The following BDP1 variants were observed in gnomAD, a reference collection of about 807,000 sequenced individuals.
BDP1 encodes transcription factor TFIIIB component B'' homolog.
Under a neutral mutation model 266.6 loss-of-function variants are expected in BDP1, and 169 were observed. That is an observed-to-expected ratio of 0.63 (90% CI 0.56 to 0.72). The LOEUF is 0.72. Among genes scored for constraint, BDP1 ranks in the 30% least tolerant of loss-of-function variants. The pLI, the probability that BDP1 is intolerant of heterozygous loss-of-function variation, is 0.00. For missense variants in BDP1, 3,015 were observed against 3,053.8 expected, an observed-to-expected ratio of 0.99 and a Z score of 0.30; for synonymous variants, 1,090 against 1,022.4, an observed-to-expected ratio of 1.07 and a Z score of -1.26.
chr5:71,510,071 C>G lies in BDP1; in HGVS notation c.2979C>G (p.Ser993=). 2 of 1,609,806 alleles carry G rather than the reference C, an allele frequency of 1.2e-6. No homozygotes were observed. The highest frequency in any genetic ancestry group is 1.7e-6 in the Non-Finnish European group (2 of 1,179,242). ...NLEETGRRKI[S]PRENGPEEVK... ...AAGAAACTGGAAGAAGAAAAATATC[C>G]CCAAGGGAAAATGGCCCAGAGGAGG... Residue 993 remains serine, a synonymous_variant, in exon 17 of 39, where the codon TCC becomes TCG. Coordinates refer to ENST00000358731, the MANE Select transcript of BDP1 (RefSeq NM_018429.3).
At chr5:71,525,391 G>C (rs1765750486) in intron 25 of BDP1, among the ~76,000 whole-genome samples, 1 of 147,976 alleles carries the variant, frequency 6.8e-6, no homozygotes, top group African/African-American at 2.5e-5. Context: ...CGGGCGGGGG[G>C]CTGACCCCCC....
chr5:71,575,446 G>C, the BDP1 span, among the ~76,000 whole-genome samples: 2 of 152,132 alleles, frequency 1.3e-5, no homozygotes, highest in African/African-American at 4.8e-5. Flanking sequence ...TTGGATGCAG[G>C]ACACATAGAG....
chr5:71,500,423 C>T (rs1404500566), intron 13 of BDP1, among the ~76,000 whole-genome samples: 2 of 145,516 alleles, frequency 1.4e-5, no homozygotes, highest in African/African-American at 5.1e-5. Flanking sequence ...CTCCTGGGTT[C>T]AGGCGATTCC....
At chr5:71,562,767 T>G in intron 38 of BDP1, 1 of 1,392,270 alleles carries the variant, frequency 7.2e-7, no homozygotes, top group African/African-American at 1.4e-5. Flanking sequence ...GCCATTCCTT[T>G]AATCTAGAGA....
chr5:71,466,370 G>T, intron 5 of BDP1, 149 bp downstream of exon 5: 4 of 840,462 alleles, frequency 4.8e-6, no homozygotes, highest in South Asian at 4.1e-5. Context: ...TAGAAAAGTG[G>T]GTTAGATTAA....
intron 7 of BDP1, among the ~76,000 whole-genome samples, chr5:71,477,136 C>G (rs1481289851): frequency 6.6e-6 from 1 of 151,850 alleles, no homozygotes; most frequent in Admixed American, 6.6e-5. Context: ...CATGAGCCAC[C>G]GAGCCCAGCC....
rs774244912 is a variant in BDP1, at chr5:71,522,944, A to G, written c.5382A>G (p.Leu1794=). Residue 1794 remains leucine (L), a synonymous_variant, in exon 24 of 39, where the codon CTA becomes CTG. Coordinates refer to ENST00000358731, the MANE Select transcript of BDP1 (RefSeq NM_018429.3). The part of the protein sequence containing the change: ...SVVEEQYLNK[L]TSCPQPLNET... ...TTGAAGAGCAATATCTCAATAAACT[A>G]ACAAGGTAACATTTTATTTAACAAA... 4 of 1,571,214 alleles carry G rather than the reference A, an allele frequency of 2.5e-6. No homozygotes were observed. The highest frequency in any genetic ancestry group is 4.5e-5 in the East Asian group (2 of 44,290).
chr5:71,487,164 A>AAAG (rs959951922), intron 9 of BDP1, among the ~76,000 whole-genome samples: 57 of 152,346 alleles, frequency 3.7e-4, no homozygotes, highest in Middle Eastern at 6.8e-3. Flanking sequence ...ATAATCACAT[A>AAAG]AAGAAGACGC....
chr5:71,502,610 A>C lies in BDP1; in HGVS notation c.2060A>C (p.Lys687Thr), dbSNP rs1764316937. The C allele has an allele frequency of 5.7e-6, 9 of 1,590,480 alleles. No homozygotes were observed. The highest frequency in any genetic ancestry group is 6.8e-6 in the Non-Finnish European group (8 of 1,171,980). Residue 687 changes from lysine to threonine, a missense_variant, in exon 15 of 39, where the codon AAA becomes ACA. Lys to Thr is a moderately conservative substitution (Grantham distance 78, BLOSUM62 -1). Coordinates refer to ENST00000358731, the MANE Select transcript of BDP1 (RefSeq NM_018429.3). ...EAETVSVLGE[K>T]NCLQEGSQLK... is the part of the protein sequence containing the mutation. ...CTTTGTGGTTCTAGTTTGGGTGAAAAAAATTGTCTGCAGGAAGGGAGTCAA... is the reference window on the plus strand; with the variant it reads ...CTTTGTGGTTCTAGTTTGGGTGAAACAAATTGTCTGCAGGAAGGGAGTCAA...
chr5:71,461,766 C>G (rs764100727), intron 2 of BDP1, 51 bp from the exon 3 acceptor site: 7 of 1,063,238 alleles, frequency 6.6e-6, no homozygotes, highest in Admixed American at 4.1e-5. Flanking sequence ...TATAGTACAT[C>G]TGAAATTCTT....
At chr5:71,487,016 T>C (rs1310848463) in intron 9 of BDP1, among the ~76,000 whole-genome samples, 4 of 152,198 alleles carry the variant, frequency 2.6e-5, no homozygotes, top group African/African-American at 9.7e-5. Flanking sequence ...CTAGACTGTA[T>C]TGGTTGAGCG....
At chr5:71,573,236 AAAAAAG>A in the BDP1 span, among the ~76,000 whole-genome samples, 8 of 130,876 alleles carry the variant, frequency 6.1e-5, no homozygotes, top group Non-Finnish European at 3.4e-5. Flanking sequence ...TCAAAAAAAA[AAAAAAG>A]AAAGAAAAGA....
chr5:71,555,778 T>C (rs1743175315), intron 35 of BDP1, among the ~76,000 whole-genome samples: 1 of 152,216 alleles, frequency 6.6e-6, no homozygotes, highest in South Asian at 2.1e-4. Flanking sequence ...TGGTATCTTA[T>C]AGGGACAGTA....
chr5:71,477,480 CTTATT>C (rs1249765027), intron 7 of BDP1, among the ~76,000 whole-genome samples: 5 of 152,088 alleles, frequency 3.3e-5, no homozygotes, highest in African/African-American at 9.7e-5. Context: ...TTACAGTGAA[CTTATT>C]TTATAATAGT....
At chr5:71,563,020 A>C in intron 38 of BDP1, 1 of 496,234 alleles carries the variant, frequency 2.0e-6, no homozygotes, top group South Asian at 2.9e-5. Flanking sequence ...AGCCTTTGGA[A>C]GGGGTACTTT....
In BDP1 at chr5:71,509,418, G is replaced by A. The variant is rs758969731; in HGVS notation, c.2373-47G>A. ...TTCTCAAACATCATCTCTTCAGCAG[G>A]CAGTCTGGTTTAAAACTTGATTGTG... On this transcript the variant is annotated intron_variant, in intron 16 of 38. Transcript: ENST00000358731. 5 of 1,498,412 alleles carry A rather than the reference G, an allele frequency of 3.3e-6. No individual in the cohort carries two copies. The South Asian group carries it at 7.4e-5, about 22-fold the overall frequency. 92.8% of individuals were successfully genotyped at this position (1,498,412 alleles called of 1,614,324 possible).
At chr5:71,486,383 G>T in intron 8 of BDP1, 101 bp from the exon 9 acceptor site, 2 of 999,094 alleles carry the variant, frequency 2.0e-6, no homozygotes, top group South Asian at 3.4e-5. Flanking sequence ...TTCTCCTACT[G>T]ATAAACAAAC....
chr5:71,534,159 T>G (rs906144927), intron 26 of BDP1, among the ~76,000 whole-genome samples: 4 of 152,232 alleles, frequency 2.6e-5, no homozygotes, highest in African/African-American at 9.6e-5. Context: ...ATCTGAGTCC[T>G]TTGTCAAACC....
rs375081088 is a variant in BDP1, at chr5:71,529,366, GGCGAAAGAGCGAA to G, written c.5773-2939_5773-2927del. Among the ~76,000 whole-genome samples, 753 of 151,978 alleles carry G rather than the reference GGCGAAAGAGCGAA, an allele frequency of 5.0e-3. 2 individuals carry two copies. The highest frequency in any genetic ancestry group is 8.7e-3 in the Non-Finnish European group (590 of 67,994). On this transcript the variant is annotated intron_variant, in intron 25 of 38. Coordinates refer to ENST00000358731, the MANE Select transcript of BDP1 (RefSeq NM_018429.3). ...GATCACACCACTGCACTCCAGCCTGGGCGAAAGAGCGAAGCTCTGTCTCAAAAAACAAAAGCAT... is the reference window on the plus strand; with the variant it reads ...GATCACACCACTGCACTCCAGCCTGGGCTCTGTCTCAAAAAACAAAAGCAT...
Sources: allele counts gnomAD v4.1 joint callset (sites outside exome capture counted in the v4.1 genomes callset), GRCh38; gene constraint gnomAD v4.1.1; transcripts MANE v1.5; gene names NCBI Gene and HGNC (gene_info 2026-07-23, HGNC 2026-07-21).